ERC2: variants seen among roughly 807,000 people sequenced by gnomAD.
ERC2 encodes the protein ELKS/RAB6-interacting/CAST family member 2.
Under a neutral mutation model 114.8 loss-of-function variants are expected in ERC2, and 42 were observed. The observed-to-expected ratio is 0.37, with a 90% CI of 0.29 to 0.47. The LOEUF (loss-of-function observed/expected upper bound fraction) is 0.47. Among genes scored for constraint, ERC2 ranks in the 20% least tolerant of loss-of-function variants. The pLI is 0.99. For missense variants in ERC2, 939 were observed against 1,150.7 expected, an observed-to-expected ratio of 0.82 and a Z score of 2.66; for synonymous variants, 454 against 425.5, an observed-to-expected ratio of 1.07 and a Z score of -0.82.
chr3:56,084,731 A>G (rs918006788), intron 6 of ERC2, among the ~76,000 whole-genome samples: 2 of 152,080 alleles, frequency 1.3e-5, no homozygotes, highest in Non-Finnish European at 2.9e-5. Flanking sequence ...AGGATGAGGA[A>G]TAAAAAACTA....
chr3:56,119,470 G>C (rs1004674494), intron 6 of ERC2, among the ~76,000 whole-genome samples: 4 of 152,102 alleles, frequency 2.6e-5, no homozygotes, highest in African/African-American at 9.7e-5. Flanking sequence ...TTCTTCCCTG[G>C]TTTACTCCAA....
intron 14 of ERC2, among the ~76,000 whole-genome samples, chr3:55,758,975 CT>C (rs571501753): frequency 4.5e-4 from 68 of 152,240 alleles, no homozygotes; most frequent in Admixed American, 1.1e-3. Flanking sequence ...GTGGTTTTTC[CT>C]TTTTCTTTTT....
At chr3:56,007,697 C>A (rs553133212) in intron 9 of ERC2, among the ~76,000 whole-genome samples, 1 of 151,910 alleles carries the variant, frequency 6.6e-6, no homozygotes, top group African/African-American at 2.4e-5. Flanking sequence ...GAGACAAATA[C>A]GAAAGAAAAT....
At chr3:55,575,235 C>T (rs1022427810) in intron 17 of ERC2, among the ~76,000 whole-genome samples, 20 of 152,092 alleles carry the variant, frequency 1.3e-4, no homozygotes, top group Middle Eastern at 3.2e-3. Flanking sequence ...GCAGGCTGGT[C>T]TCGAACTCCT....
chr3:56,092,240 A>G (rs1300851343), intron 6 of ERC2, among the ~76,000 whole-genome samples: 2 of 152,202 alleles, frequency 1.3e-5, no homozygotes, highest in African/African-American at 4.8e-5. Context: ...TGTCATGCCT[A>G]CCTGTCAAAA....
At position 56,066,978 on chromosome 3, in the gene ERC2, G is replaced by T. The variant is rs116475008; in HGVS notation, c.1641+13839C>A. Among the ~76,000 whole-genome samples, 1,315 of 152,146 alleles carry T rather than the reference G, an allele frequency of 8.6e-3. 18 individuals are homozygous for T. Among genetic ancestry groups the T allele is most frequent in the African/African-American group, 0.03 (1,260 of 41,512 alleles). ...CTTGTAGTAGAGTTTGAAGTCAAGCGGCATAATGCCTCCAGCTTTGTTCTT... is the reference window on the plus strand; with the variant it reads ...CTTGTAGTAGAGTTTGAAGTCAAGCTGCATAATGCCTCCAGCTTTGTTCTT... On this transcript the variant is annotated intron_variant, in intron 7 of 17. Coordinates refer to ENST00000288221, the MANE Select transcript of ERC2 (RefSeq NM_015576.3).
At chr3:56,341,654 A>AT (rs1287087428) in intron 2 of ERC2, among the ~76,000 whole-genome samples, 1 of 151,956 alleles carries the variant, frequency 6.6e-6, no homozygotes, top group Non-Finnish European at 1.5e-5. Context: ...CAAGCTCTCT[A>AT]TCACCAGATA....
At chr3:55,549,950 G>GAGAGAGATAC (rs1553699169) in intron 17 of ERC2, among the ~76,000 whole-genome samples, 104 of 142,156 alleles carry the variant, frequency 7.3e-4, no homozygotes, top group East Asian at 6.9e-3. Flanking sequence ...GAGAGAGAGA[G>GAGAGAGATAC]AGAGAGAGAC....
At chr3:55,947,894 C>A (rs1313404939) in intron 13 of ERC2, among the ~76,000 whole-genome samples, 1 of 152,172 alleles carries the variant, frequency 6.6e-6, no homozygotes, top group East Asian at 1.9e-4. Flanking sequence ...TTCCTACACA[C>A]AAGCCTGTTT....
chr3:56,169,152 C>T (rs2082487412), intron 4 of ERC2, among the ~76,000 whole-genome samples: 1 of 151,930 alleles, frequency 6.6e-6, no homozygotes, highest in South Asian at 2.1e-4. Flanking sequence ...CACCAAATCA[C>T]CAAACTTTTA....
intron 16 of ERC2, among the ~76,000 whole-genome samples, chr3:55,699,051 C>T (rs1419839658): frequency 2.6e-5 from 4 of 152,130 alleles, no homozygotes; most frequent in Non-Finnish European, 5.9e-5. Context: ...AAACAAAGTG[C>T]TTTCTCTTAA....
chr3:55,802,227 G>T (rs1329206575), intron 14 of ERC2, among the ~76,000 whole-genome samples: 1 of 152,196 alleles, frequency 6.6e-6, no homozygotes, highest in Non-Finnish European at 1.5e-5. Context: ...TTAACTGCCT[G>T]TATCACATTT....
At chr3:55,850,063 C>T (rs190355419) in intron 14 of ERC2, among the ~76,000 whole-genome samples, 2 of 152,296 alleles carry the variant, frequency 1.3e-5, no homozygotes, top group South Asian at 2.1e-4. Context: ...CTGGTGATGG[C>T]CAGCAATCCT....
rs148780855 is a variant in ERC2 at position 56,257,421 on chromosome 3, A to C, written c.1074+38598T>G. On this transcript the variant is annotated intron_variant, in intron 3 of 17. Transcript: ENST00000288221. ...TTGAGAACCACCTGCAGTTCAGGCA[A>C]TTTAACTTACGTCAAACCAAACAGC... Among the ~76,000 whole-genome samples the C allele has an allele frequency of 3.9e-5, 6 of 152,316 alleles. No individual in the cohort carries two copies. The East Asian group carries it at 1.2e-3, about 29-fold the overall frequency.
At chr3:55,652,504 A>G (rs888490819) in intron 17 of ERC2, among the ~76,000 whole-genome samples, 2 of 151,986 alleles carry the variant, frequency 1.3e-5, no homozygotes, top group Middle Eastern at 3.4e-3. Context: ...ACTAACCACT[A>G]TTTGCTGGGC....
At chr3:56,115,436 G>A (rs2079176869) in intron 6 of ERC2, among the ~76,000 whole-genome samples, 1 of 152,048 alleles carries the variant, frequency 6.6e-6, no homozygotes. Context: ...TTCTTCAAGA[G>A]TCACGTCATT....
At chr3:55,952,012 A>G (rs1303216884) in intron 12 of ERC2, among the ~76,000 whole-genome samples, 2 of 151,334 alleles carry the variant, frequency 1.3e-5, no homozygotes, top group Non-Finnish European at 2.9e-5. Flanking sequence ...TTGCTAATAA[A>G]AACAGTCCGA....
chr3:56,220,577 A>C (rs545134752), intron 3 of ERC2, among the ~76,000 whole-genome samples: 1 of 152,330 alleles, frequency 6.6e-6, no homozygotes, highest in African/African-American at 2.4e-5. Flanking sequence ...CAGCAATGCC[A>C]CTGTAGCTGG....
chr3:56,246,454 A>C (rs1297750488), intron 3 of ERC2, among the ~76,000 whole-genome samples: 1 of 152,144 alleles, frequency 6.6e-6, no homozygotes, highest in South Asian at 2.1e-4. Context: ...CCACTGTTCT[A>C]AACTTTTTAG....
Sources: gnomAD v4.1 joint callset for allele counts (sites outside exome capture counted in the v4.1 genomes callset) on GRCh38, gnomAD v4.1.1 for gene constraint, MANE v1.5 for transcripts, NCBI Gene and HGNC (gene_info 2026-07-23, HGNC 2026-07-21) for gene names.